Variants in CYB5R4 observed in about 807,000 individuals in gnomAD.
CYB5R4 encodes the protein N-terminal cytochrome b5 and cytochrome b5 oxidoreductase domain-containing protein.
A neutral mutation model predicts 70.2 loss-of-function variants in CYB5R4; 55 were observed. The observed-to-expected ratio is 0.78, with a 90% confidence interval of 0.63 to 0.98. The LOEUF (loss-of-function observed/expected upper bound fraction) is 0.98, where lower values mean the gene tolerates loss of function less well. Among genes scored for constraint, CYB5R4 ranks in the 50% least tolerant of loss-of-function variants. The probability of loss-of-function intolerance (pLI) is 0.00; values close to 1 mark genes in which losing one functional copy is unlikely to be tolerated. For missense variants in CYB5R4, 562 were observed against 612.6 expected, an observed-to-expected ratio of 0.92 and a Z score of 0.87; for synonymous variants, 197 against 199.5, an observed-to-expected ratio of 0.99 and a Z score of 0.11.
chr6:83,909,907 C>A (rs1588573048), intron 4 of CYB5R4, among the ~76,000 whole-genome samples: 1 of 152,152 alleles, frequency 6.6e-6, no homozygotes, highest in Non-Finnish European at 1.5e-5. Context: ...ACAGGACAGA[C>A]CCCCACAACA....
At chr6:83,909,678 C>A (rs932842730) in intron 4 of CYB5R4, among the ~76,000 whole-genome samples, 1 of 152,134 alleles carries the variant, frequency 6.6e-6, no homozygotes, top group African/African-American at 2.4e-5. Context: ...GGTAAACAAA[C>A]CTTTTGTAAG....
intron 3 of CYB5R4, among the ~76,000 whole-genome samples, chr6:83,908,342 A>G (rs2099464135): frequency 1.3e-5 from 2 of 152,160 alleles, no homozygotes; most frequent in East Asian, 3.9e-4. Flanking sequence ...TTATGTAGGT[A>G]AAATGTGCCA....
At chr6:83,919,259 C>T in intron 6 of CYB5R4, 138 bp from the exon 7 acceptor site, 1 of 496,434 alleles carries the variant, frequency 2.0e-6, no homozygotes, top group East Asian at 3.9e-5. Flanking sequence ...ATGGTAAGAC[C>T]AGTTTATTTA....
At chr6:83,948,461 C>A (rs766966469) in intron 14 of CYB5R4, among the ~76,000 whole-genome samples, 5 of 151,730 alleles carry the variant, frequency 3.3e-5, no homozygotes, top group Non-Finnish European at 7.4e-5. Flanking sequence ...CACATGTATA[C>A]CTATGTAACC....
intron 15 of CYB5R4, among the ~76,000 whole-genome samples, chr6:83,958,735 A>G (rs915957674): frequency 6.6e-6 from 1 of 152,124 alleles, no homozygotes; most frequent in East Asian, 1.9e-4. Flanking sequence ...GCTGGGGTTT[A>G]AATCCCAGGT....
intron 3 of CYB5R4, among the ~76,000 whole-genome samples, chr6:83,900,563 A>G (rs1023034387): frequency 2.0e-5 from 3 of 151,662 alleles, no homozygotes; most frequent in Non-Finnish European, 4.4e-5. Flanking sequence ...TGTTGACAGT[A>G]GGGTGTTAAA....
intron 4 of CYB5R4, 141 bp downstream of exon 4, chr6:83,909,231 G>A (rs2099464295): frequency 3.7e-6 from 2 of 545,368 alleles, no homozygotes; most frequent in African/African-American, 1.9e-5. Context: ...CACTCCAGAG[G>A]TTTTCCTTCA....
At chr6:83,936,707 C>T (rs1325468) in intron 12 of CYB5R4, among the ~76,000 whole-genome samples, 30,730 of 152,134 alleles carry the variant, frequency 0.2, 6,717 homozygotes, top group African/African-American at 0.54. Context: ...CACTGTCTTA[C>T]AGTAAGCCTT....
At chr6:83,919,249 A>G (rs921995903) in intron 6 of CYB5R4, 148 bp from the exon 7 acceptor site, 25 of 467,422 alleles carry the variant, frequency 5.3e-5, no homozygotes, top group Non-Finnish European at 8.8e-5. Flanking sequence ...AGAATGTAAC[A>G]TGGTAAGACC....
rs1225595774 is a variant in CYB5R4, at chr6:83,955,403, C to T, written c.1452C>T (p.Asp484=). The change falls in exon 15 of 16, where the codon GAC becomes GAT. Residue 484 remains aspartate (D), a synonymous_variant. Transcript: ENST00000369681. ...CTGAATTTTTGAAAAGAAATTTGGA[C>T]AAATCCAAAGTTCTCGTCTGCATTT... ...LLSEFLKRNL[D]KSKVLVCICG... The T allele has an allele frequency of 1.2e-6, 2 of 1,613,822 alleles. No individual in the cohort carries two copies. The highest frequency in any genetic ancestry group is 2.7e-5 in the African/African-American group (2 of 74,996).
At chr6:83,897,024 A>G (rs1220982861) in intron 3 of CYB5R4, among the ~76,000 whole-genome samples, 2 of 151,892 alleles carry the variant, frequency 1.3e-5, no homozygotes, top group African/African-American at 2.4e-5. Context: ...CTCATAATTT[A>G]TCATTAGGTA....
intron 14 of CYB5R4, among the ~76,000 whole-genome samples, chr6:83,945,044 G>A (rs2099470350): frequency 6.6e-6 from 1 of 152,134 alleles, no homozygotes; most frequent in Non-Finnish European, 1.5e-5. Flanking sequence ...AGGATATTCA[G>A]GACTTGAACT....
rs767287878 is a variant in CYB5R4, at chr6:83,924,523, A to G, written c.745A>G (p.Asn249Asp). The G allele has an allele frequency of 3.7e-6, 6 of 1,613,576 alleles. No individual in the cohort carries two copies. The African/African-American group carries it at 5.3e-5, about 14-fold the overall frequency. The change falls in exon 10 of 16, where the codon AAT (asparagine) becomes GAT (aspartate). Residue 249 changes from asparagine to aspartate, a missense_variant. Coordinates refer to ENST00000369681, the MANE Select transcript of CYB5R4 (RefSeq NM_016230.4). ...KIEIVLQKKE[N>D]TSWDFLGHPL... ...AGAGATTGTTCTACAAAAAAAAGAG[A>G]ATACTTCTTGGGACTTTCTTGGCCA...
chr6:83,885,819 C>CA (rs1396676822), intron 2 of CYB5R4, among the ~76,000 whole-genome samples: 1 of 152,114 alleles, frequency 6.6e-6, no homozygotes, highest in African/African-American at 2.4e-5. Context: ...GAATGGAAAA[C>CA]AGTCTGGCAG....
Position 83,921,104 on chromosome 6 carries a change from T to C in CYB5R4, c.587T>C (p.Ile196Thr), listed in dbSNP as rs1382631442. ...KQKDINLDSI[I>T]VDHQNDSFRA... Reference sequence around the variant, plus strand: ...AAGGATATCAATTTAGACTCAATAATAGTTGATCATCAGAATGATTCCTTT... The same window carrying C: ...AAGGATATCAATTTAGACTCAATAACAGTTGATCATCAGAATGATTCCTTT... The change falls in exon 8 of 16, where the codon ATA becomes ACA. Residue 196 changes from isoleucine to threonine, a missense_variant. Ile to Thr is a moderately conservative substitution (Grantham distance 89). Coordinates refer to ENST00000369681, the MANE Select transcript of CYB5R4 (RefSeq NM_016230.4). The C allele has an allele frequency of 8.5e-6, 13 of 1,526,306 alleles. No individual in the cohort carries two copies. The highest frequency in any genetic ancestry group is 9.8e-6 in the Non-Finnish European group (11 of 1,122,398). 94.5% of individuals were successfully genotyped at this position (1,526,306 alleles called of 1,614,324 possible).
rs529010687 is a variant in CYB5R4 at position 83,868,718 on chromosome 6, A to G, written c.229+4390A>G. On this transcript the variant is annotated intron_variant, in intron 2 of 15. Transcript: ENST00000369681. ...AAGAACTAAAGATTTACAGATATGT[A>G]AAGTGTTGAGCAAGTAGCTAAATCA... is the stretch of plus-strand genomic sequence containing the variant. 1.0e-3 allele frequency among the ~76,000 whole-genome samples: 153 copies of G among 152,338 alleles called. 1 individual carries two copies. The highest frequency in any genetic ancestry group is 1.4e-3 in the South Asian group (7 of 4,828).
intron 2 of CYB5R4, among the ~76,000 whole-genome samples, chr6:83,869,319 G>A (rs2099457214): frequency 6.6e-6 from 1 of 152,124 alleles, no homozygotes; most frequent in African/African-American, 2.4e-5. Flanking sequence ...TGTGAATATA[G>A]TTGATCCTCA....
At chr6:83,889,320 C>G (rs1295136767) in intron 2 of CYB5R4, among the ~76,000 whole-genome samples, 2 of 152,126 alleles carry the variant, frequency 1.3e-5, no homozygotes, top group Non-Finnish European at 2.9e-5. Context: ...TGCCTGGCTT[C>G]AAAGCTTCAA....
chr6:83,863,558 T>C (rs1264078149), intron 1 of CYB5R4, among the ~76,000 whole-genome samples: 1 of 152,180 alleles, frequency 6.6e-6, no homozygotes, highest in Non-Finnish European at 1.5e-5. Flanking sequence ...TGGTCCAAAC[T>C]GGTTAACTGT....
Sources: allele counts gnomAD v4.1 joint callset (sites outside exome capture counted in the v4.1 genomes callset), GRCh38; gene constraint gnomAD v4.1.1; transcripts MANE v1.5; gene names NCBI Gene and HGNC (gene_info 2026-07-23, HGNC 2026-07-21).